LTF: variants seen among roughly 807,000 people sequenced by gnomAD.
LTF encodes epididymis luminal protein 110.
Under a neutral mutation model 87.2 loss-of-function variants are expected in LTF, and 91 were observed. The ratio of observed to expected loss-of-function variants is 1.04; its 90% confidence interval spans 0.88 to 1.24. LTF has a LOEUF of 1.24. Ranked by LOEUF, LTF falls within the 50% of genes most tolerant of loss-of-function variation. The pLI, the probability that LTF is intolerant of heterozygous loss-of-function variation, is 0.00. For missense variants in LTF, 901 were observed against 904.3 expected (o/e 1.00, Z 0.05); for synonymous variants, 378 against 356.1 (o/e 1.06, Z -0.69).
chr3:46,446,991 G>A (rs1034815508), intron 10 of LTF, among the ~76,000 whole-genome samples: 1 of 152,190 alleles, frequency 6.6e-6, no homozygotes, highest in Admixed American at 6.5e-5. Flanking sequence ...TGTTTGTTCT[G>A]GGCCCGAGAG....
At chr3:46,456,611 G>A (rs754557755) in intron 2 of LTF, among the ~76,000 whole-genome samples, 32 of 152,114 alleles carry the variant, frequency 2.1e-4, no homozygotes, top group Non-Finnish European at 4.0e-4. Context: ...TGAGACTGGC[G>A]CCTGCCCTCT....
At chr3:46,467,577 A>G (rs186276594), upstream of LTF, among the ~76,000 whole-genome samples, 2 of 152,038 alleles carry the variant, frequency 1.3e-5, no homozygotes, top group East Asian at 1.9e-4. Flanking sequence ...TTACCTGAGC[A>G]CTAGGGACAA....
chr3:46,482,568 G>T lies in LTF; in HGVS notation c.-320+2418C>A, dbSNP rs564593025. Reference sequence around the variant, plus strand: ...GGGAAGGGAAGGGAAGGGAAGGGAAGGGAAAGGAAAGGAAGGGAGAAAGAG... The same window carrying T: ...GGGAAGGGAAGGGAAGGGAAGGGAATGGAAAGGAAAGGAAGGGAGAAAGAG... On this transcript the variant is annotated intron_variant, in intron 1 of 19. Coordinates refer to the LTF transcript ENST00000443496. Among the ~76,000 whole-genome samples, 141 of 113,952 alleles carry T rather than the reference G, an allele frequency of 1.2e-3. 3 individuals are homozygous for T. Among genetic ancestry groups the T allele is most frequent in the South Asian group, 2.1e-3 (7 of 3,370 alleles). 74.8% of individuals were successfully genotyped at this position (113,952 alleles called of 152,430 possible).
chr3:46,446,354 TTC>T lies in LTF; in HGVS notation c.1357+84_1357+85del, dbSNP rs1182397648. On this transcript the variant is annotated intron_variant, in intron 11 of 16. Coordinates refer to ENST00000231751, the MANE Select transcript of LTF (RefSeq NM_002343.6). ...CTATAGCTTCTAGGGCTGCAATTCT[TTC>T]TGTTTTTTTTACAGTTCCTGCCACT... is the stretch of plus-strand genomic sequence containing the variant. 2.6e-5 allele frequency: 29 copies of T among 1,113,616 alleles called. 2 individuals carry two copies. In the South Asian group the frequency reaches 3.6e-4, roughly 14 times the overall value. 69.0% of individuals were successfully genotyped at this position (1,113,616 alleles called of 1,614,324 possible).
chr3:46,448,686 C>T (rs1052053955), intron 9 of LTF, among the ~76,000 whole-genome samples, 177 bp downstream of exon 9: 2 of 152,218 alleles, frequency 1.3e-5, no homozygotes, highest in African/African-American at 4.8e-5. Context: ...GGGAAACCCA[C>T]AGTAAACTGC....
chr3:46,459,771 G>T lies in LTF; in HGVS notation c.92C>A (p.Ser31Tyr). 6.6e-7 allele frequency: 1 copy of T among 1,523,298 alleles called. No homozygotes were observed. The highest frequency in any genetic ancestry group is 8.7e-7 in the Non-Finnish European group (1 of 1,147,090). The allele number at this position is 1,523,298 out of a possible 1,614,324, so 94.4% of individuals were successfully genotyped here. Residue 31 changes from serine (S) to tyrosine (Y), a missense_variant, in exon 2 of 17, where the codon TCC becomes TAC. Ser to Tyr is a moderately radical substitution (Grantham distance 144, BLOSUM62 -2). Coordinates refer to ENST00000231751, the MANE Select transcript of LTF (RefSeq NM_002343.6). ...RRRSVQWCAV[S>Y]QPEATKCFQW... ...GAAGCATTTTGTGGCCTCGGGTTGG[G>T]ATACGGCGCACCACTGAACACTCCT...
chr3:46,471,062 C>T (rs1036319698), intron 1 of LTF, among the ~76,000 whole-genome samples: 3 of 152,138 alleles, frequency 2.0e-5, no homozygotes, highest in Admixed American at 6.5e-5. Context: ...CTGCATGGAC[C>T]CAGAGAGTCG....
chr3:46,484,287 G>T (rs1276119162), intron 1 of LTF, among the ~76,000 whole-genome samples: 1 of 152,208 alleles, frequency 6.6e-6, no homozygotes, highest in Non-Finnish European at 1.5e-5. Context: ...AGGGAGGAAA[G>T]AAAGAACAAA....
At chr3:46,477,491 G>A (rs1004188987) in intron 1 of LTF, among the ~76,000 whole-genome samples, 3 of 152,170 alleles carry the variant, frequency 2.0e-5, no homozygotes, top group Admixed American at 2.0e-4. Flanking sequence ...GCAGGCAGGG[G>A]AGTTTGAAAC....
chr3:46,482,676 G>A (rs549891006), intron 1 of LTF, among the ~76,000 whole-genome samples: 1 of 115,416 alleles, frequency 8.7e-6, no homozygotes, highest in Non-Finnish European at 1.8e-5. Context: ...AGGAAGGAAG[G>A]AAGGAAGGAA....
upstream of LTF, among the ~76,000 whole-genome samples, chr3:46,466,958 A>G (rs2106912451): frequency 6.6e-6 from 1 of 152,316 alleles, no homozygotes; most frequent in Non-Finnish European, 1.5e-5. Flanking sequence ...AGTATGTTAC[A>G]GTGTTGGCAA....
upstream of LTF, among the ~76,000 whole-genome samples, chr3:46,467,875 T>G (rs765568384): frequency 1.3e-5 from 2 of 152,138 alleles, no homozygotes; most frequent in Non-Finnish European, 2.9e-5. Flanking sequence ...TATCCTGAGC[T>G]CCACATCATG....
upstream of LTF, chr3:46,465,009 T>C (rs1703180558): frequency 3.8e-6 from 3 of 784,174 alleles, no homozygotes; most frequent in Non-Finnish European, 6.4e-6. Context: ...GGTCTACTTG[T>C]TCCTTGAGGA....
chr3:46,475,989 T>A (rs1003183807), intron 1 of LTF, among the ~76,000 whole-genome samples: 6 of 152,258 alleles, frequency 3.9e-5, no homozygotes, highest in Non-Finnish European at 8.8e-5. Context: ...AACATTCTGC[T>A]TGTGAGATCA....
intron 14 of LTF, among the ~76,000 whole-genome samples, chr3:46,440,943 C>T (rs1702501240): frequency 6.6e-6 from 1 of 152,192 alleles, no homozygotes; most frequent in South Asian, 2.1e-4. Context: ...CCCACTAACT[C>T]CCAAGGAGTC....
upstream of LTF, among the ~76,000 whole-genome samples, chr3:46,467,644 C>CTTTTT (rs5848801): frequency 1.1e-4 from 14 of 123,030 alleles, no homozygotes; most frequent in Non-Finnish European, 1.5e-4. Flanking sequence ...CTTTTCTTTT[C>CTTTTT]TTTTTTTTTT....
At chr3:46,461,479 C>T (rs1480001454) in intron 1 of LTF, among the ~76,000 whole-genome samples, 1 of 152,184 alleles carries the variant, frequency 6.6e-6, no homozygotes, top group African/African-American at 2.4e-5. Flanking sequence ...TACTGGCATG[C>T]CCCACAACAT....
chr3:46,439,168 C>T (rs1304884459), intron 15 of LTF, 128 bp downstream of exon 15: 4 of 872,180 alleles, frequency 4.6e-6, no homozygotes, highest in Non-Finnish European at 7.0e-6. Context: ...GAAGCCAATA[C>T]TCTCACCATG....
At chr3:46,462,333 G>A (rs1703102131) in intron 1 of LTF, among the ~76,000 whole-genome samples, 1 of 143,438 alleles carries the variant, frequency 7.0e-6, no homozygotes, top group Non-Finnish European at 1.6e-5. Flanking sequence ...AGCTAATGGA[G>A]ACATACGTGT....
Sources: allele counts gnomAD v4.1 joint callset (sites outside exome capture counted in the v4.1 genomes callset), GRCh38; gene constraint gnomAD v4.1.1; transcripts MANE v1.5; gene names NCBI Gene and HGNC (gene_info 2026-07-23, HGNC 2026-07-21).